Variants in SIGLECL1 observed in about 807,000 individuals in gnomAD.
The protein encoded by SIGLECL1 is SIGLEC family like 1.
Under a neutral mutation model 19.1 loss-of-function variants are expected in SIGLECL1, and 16 were observed. The observed-to-expected ratio is 0.84, with a 90% CI of 0.57 to 1.27. The LOEUF (loss-of-function observed/expected upper bound fraction) is 1.27. SIGLECL1 is among the 50% of genes most tolerant of loss of function. The pLI, the probability that SIGLECL1 is intolerant of heterozygous loss-of-function variation, is 0.00. For missense variants in SIGLECL1, 210 were observed against 239.4 expected (o/e 0.88, Z 0.81); for synonymous variants, 89 against 90.4 (o/e 0.98, Z 0.09).
intron 2 of SIGLECL1, among the ~76,000 whole-genome samples, chr19:51,265,018 G>A (rs1983533565): frequency 6.6e-6 from 1 of 152,192 alleles, no homozygotes. Flanking sequence ...GTGATGGAGG[G>A]AGAATTGGTC....
At chr19:51,257,250 T>G (rs1302610867) in intron 1 of SIGLECL1, among the ~76,000 whole-genome samples, 1 of 151,512 alleles carries the variant, frequency 6.6e-6, no homozygotes, top group Non-Finnish European at 1.5e-5. Flanking sequence ...CTACATAAAT[T>G]AAAAAATTAG....
intron 1 of SIGLECL1, among the ~76,000 whole-genome samples, chr19:51,260,103 T>C (rs11672446): frequency 0.11 from 16,969 of 152,242 alleles, 1,599 homozygotes; most frequent in East Asian, 0.32. Context: ...ATTAAAAGGA[T>C]GCCTATATAG....
intron 4 of SIGLECL1, 103 bp from the exon 5 acceptor site, chr19:51,267,270 A>G: frequency 7.2e-7 from 1 of 1,388,380 alleles, no homozygotes; most frequent in Middle Eastern, 2.4e-4. Context: ...GCAAGCTGGT[A>G]CTGTTGTTGA....
At chr19:51,259,067 G>A (rs1174143200) in intron 1 of SIGLECL1, among the ~76,000 whole-genome samples, 1 of 152,204 alleles carries the variant, frequency 6.6e-6, no homozygotes, top group Non-Finnish European at 1.5e-5. Context: ...AAAGTCATAT[G>A]CATATTAGTA....
At chr19:51,253,535 G>T (rs997370018) in intron 1 of SIGLECL1, among the ~76,000 whole-genome samples, 2 of 152,204 alleles carry the variant, frequency 1.3e-5, no homozygotes, top group African/African-American at 4.8e-5. Context: ...TCTGAAGCAG[G>T]CTGACAGTGA....
At chr19:51,261,439 C>T (rs1362809318) in intron 1 of SIGLECL1, among the ~76,000 whole-genome samples, 2 of 152,114 alleles carry the variant, frequency 1.3e-5, no homozygotes, top group African/African-American at 4.8e-5. Context: ...CAGGGGCCCG[C>T]CACCACACCC....
intron 1 of SIGLECL1, among the ~76,000 whole-genome samples, chr19:51,263,446 G>T (rs1983380093): frequency 6.6e-6 from 1 of 152,170 alleles, no homozygotes; most frequent in Non-Finnish European, 1.5e-5. Context: ...AATCCAGACT[G>T]GGTGACAGAG....
intron 1 of SIGLECL1, among the ~76,000 whole-genome samples, chr19:51,258,642 G>A (rs1489778996): frequency 1.3e-5 from 2 of 152,182 alleles, no homozygotes; most frequent in Admixed American, 6.5e-5. Flanking sequence ...CTAGCCTCAG[G>A]GCTGTGGCTA....
intron 1 of SIGLECL1, among the ~76,000 whole-genome samples, chr19:51,253,907 G>A (rs1982641823): frequency 6.6e-6 from 1 of 152,178 alleles, no homozygotes; most frequent in African/African-American, 2.4e-5. Flanking sequence ...CAGAGTTGTT[G>A]AGACTAAGAT....
intron 1 of SIGLECL1, among the ~76,000 whole-genome samples, chr19:51,259,315 T>C (rs937373267): frequency 1.3e-5 from 2 of 152,242 alleles, no homozygotes; most frequent in Admixed American, 1.3e-4. Context: ...GGAAAGATAT[T>C]GTGTCCAACT....
intron 1 of SIGLECL1, among the ~76,000 whole-genome samples, chr19:51,259,781 A>G (rs1983079385): frequency 6.6e-6 from 1 of 152,224 alleles, no homozygotes; most frequent in South Asian, 2.1e-4. Flanking sequence ...GGGAAATGCA[A>G]GGAGGTCCTC....
At position 51,266,000 on chromosome 19, in the gene SIGLECL1, G is replaced by C. The variant is rs1983643301; in HGVS notation, c.410+118G>C. 4 of 964,012 alleles carry C rather than the reference G, an allele frequency of 4.1e-6. No individual in the cohort carries two copies. The South Asian group carries it at 5.9e-5, about 14-fold the overall frequency. The allele number at this position is 964,012 out of a possible 1,614,324, so 59.7% of individuals were successfully genotyped here. Reference sequence around the variant, plus strand: ...CCCCTCAAGGAGCTTAGGGTCTAAAGAGGGAAAGATGTACCAAACATGGTC... The same window carrying C: ...CCCCTCAAGGAGCTTAGGGTCTAAACAGGGAAAGATGTACCAAACATGGTC... On this transcript the variant is annotated intron_variant, in intron 4 of 5. Transcript: ENST00000601727.
At chr19:51,249,372 T>C (rs1312125169), upstream of SIGLECL1, among the ~76,000 whole-genome samples, 1 of 151,980 alleles carries the variant, frequency 6.6e-6, no homozygotes, top group Non-Finnish European at 1.5e-5. Context: ...AGGTCCCCTC[T>C]CGGGAAGTCT....
At chr19:51,264,247 C>T (rs1016206188) in intron 2 of SIGLECL1, 153 bp downstream of exon 2, 2 of 859,642 alleles carry the variant, frequency 2.3e-6, no homozygotes, top group Non-Finnish European at 3.6e-6. Flanking sequence ...TAGACAGCTT[C>T]TGTGTGTCAG....
In SIGLECL1 at chr19:51,251,127, G is replaced by T. The variant is rs1046467452; in HGVS notation, c.-609G>T. On this transcript the variant is annotated 5_prime_UTR_variant, in exon 1 of 6. Coordinates refer to ENST00000601727, the MANE Select transcript of SIGLECL1 (RefSeq NM_001385465.1). ...TAGCAGGTCTTGCAGCGGCTATCACGCCCCTCACGCCGCTATCTCTGTGCA... is the reference window on the plus strand; with the variant it reads ...TAGCAGGTCTTGCAGCGGCTATCACTCCCCTCACGCCGCTATCTCTGTGCA... The T allele has an allele frequency of 6.6e-6, 1 of 152,236 alleles. No individual in the cohort carries two copies. The highest frequency in any genetic ancestry group is 2.4e-5 in the African/African-American group (1 of 41,438). The allele number at this position is 152,236 out of a possible 1,614,324, so 9.4% of individuals were successfully genotyped here.
rs1299844843 is a variant in SIGLECL1 at position 51,263,985 on chromosome 19, C to T, written c.-88C>T. ...ATCCTCTTTCAGTTACGCATCACCT[C>T]ACTCCTTCTGAACCATATGGTTCTG... On this transcript the variant is annotated 5_prime_UTR_variant, in exon 2 of 6. Coordinates refer to ENST00000601727, the MANE Select transcript of SIGLECL1 (RefSeq NM_001385465.1). The T allele has an allele frequency of 6.6e-6, 10 of 1,526,290 alleles. No individual in the cohort carries two copies. Among genetic ancestry groups the T allele is most frequent in the Non-Finnish European group, 9.0e-6 (10 of 1,109,810 alleles). The allele number at this position is 1,526,290 out of a possible 1,614,324, so 94.5% of individuals were successfully genotyped here.
At chr19:51,264,478 C>G (rs1050075708) in intron 2 of SIGLECL1, 1 of 161,530 alleles carries the variant, frequency 6.2e-6, no homozygotes, top group Non-Finnish European at 1.3e-5. Flanking sequence ...GAGAGTCCCC[C>G]GCAGATTCCT....
chr19:51,266,981 T>C (rs1260438437), intron 4 of SIGLECL1, among the ~76,000 whole-genome samples: 1 of 152,008 alleles, frequency 6.6e-6, no homozygotes, highest in Non-Finnish European at 1.5e-5. Flanking sequence ...AGGCCTGACC[T>C]GGGGCAAGTG....
At chr19:51,255,229 C>G (rs1031321678) in intron 1 of SIGLECL1, among the ~76,000 whole-genome samples, 3 of 149,902 alleles carry the variant, frequency 2.0e-5, no homozygotes, top group Non-Finnish European at 4.4e-5. Context: ...CACTGCACTC[C>G]AGCCTGGGCA....
Sources: gnomAD v4.1 joint callset for allele counts (sites outside exome capture counted in the v4.1 genomes callset) on GRCh38, gnomAD v4.1.1 for gene constraint, MANE v1.5 for transcripts, NCBI Gene and HGNC (gene_info 2026-07-23, HGNC 2026-07-21) for gene names.